GLIS3: variants seen among roughly 807,000 people sequenced by gnomAD.
The protein encoded by GLIS3 is zinc finger protein GLIS3.
GLIS3 carries 53 observed loss-of-function variants against 78.6 expected under a neutral mutation model. The ratio of observed to expected loss-of-function variants is 0.67; its 90% confidence interval spans 0.54 to 0.85. The LOEUF (loss-of-function observed/expected upper bound fraction) is 0.85. Ranked by LOEUF, GLIS3 falls within the 40% of genes least tolerant of loss-of-function variation. The pLI is 0.00. For synonymous variants in GLIS3, 684 were observed against 509.9 expected, an observed-to-expected ratio of 1.34 and a Z score of -4.60; for missense variants, 1,703 against 1,231.1, an observed-to-expected ratio of 1.38 and a Z score of -5.74.
chr9:4,201,344 C>T (rs1405499612), intron 2 of GLIS3, among the ~76,000 whole-genome samples: 1 of 152,024 alleles, frequency 6.6e-6, no homozygotes, highest in African/African-American at 2.4e-5. Flanking sequence ...ACCAATCAGA[C>T]AAGAGAAAGA....
intron 6 of GLIS3, among the ~76,000 whole-genome samples, chr9:3,913,417 T>A (rs16924432): frequency 0.011 from 1,712 of 152,288 alleles, 17 homozygotes; most frequent in Non-Finnish European, 0.018. Flanking sequence ...CAGCTCAAAT[T>A]CATGGGCTTT....
chr9:4,397,648 GAAGAA>G, the GLIS3 span, among the ~76,000 whole-genome samples: 84 of 109,728 alleles, frequency 7.7e-4, no homozygotes, highest in East Asian at 2.4e-3. Context: ...GAAAAGGAAG[GAAGAA>G]AAGGAAGGAA....
intron 4 of GLIS3, among the ~76,000 whole-genome samples, chr9:3,978,113 T>G (rs539926455): frequency 6.6e-6 from 1 of 152,144 alleles, no homozygotes; most frequent in Non-Finnish European, 1.5e-5. Context: ...AAGCCCGCTG[T>G]AGAAGTTCCC....
the GLIS3 span, among the ~76,000 whole-genome samples, chr9:4,379,075 C>A: frequency 3.0e-3 from 459 of 152,274 alleles, 5 homozygotes; most frequent in African/African-American, 0.011. Flanking sequence ...TAACCTGCAG[C>A]CTCTCGGCCG....
the GLIS3 span, among the ~76,000 whole-genome samples, chr9:4,423,794 C>A: frequency 2.0e-5 from 3 of 152,254 alleles, no homozygotes; most frequent in South Asian, 6.2e-4. Context: ...CCTTCGGCTA[C>A]CTTATTCTTG....
chr9:4,118,332 C>A lies in GLIS3; in HGVS notation c.1146G>T (p.Pro382=). 6.3e-7 allele frequency: 1 copy of A among 1,575,692 alleles called. No individual in the cohort carries two copies. Among genetic ancestry groups the A allele is most frequent in the South Asian group, 1.1e-5 (1 of 87,956 alleles). The change falls in exon 4 of 11, where the codon CCG becomes CCT. Residue 382 remains proline (P), a synonymous_variant. Transcript: ENST00000381971. This position sits in a 1 kb window ranked among gnomAD's most constrained non-coding sequence, Gnocchi z 4.7. ...CCAGGGCCCCGTCCTCGCCGTAGGC[C>A]GGCAGCGCCAGGCCTCCAGGGGCCA... ...VLVAPGGLAL[P]AYGEDGALEH...
At chr9:3,898,074 A>G (rs184453925) in intron 7 of GLIS3, among the ~76,000 whole-genome samples, 3 of 152,354 alleles carry the variant, frequency 2.0e-5, no homozygotes, top group Non-Finnish European at 4.4e-5. Context: ...GCTGAGTAAA[A>G]GAAAAATAAC....
At chr9:4,039,044 G>A (rs897519063) in intron 4 of GLIS3, among the ~76,000 whole-genome samples, 2 of 152,168 alleles carry the variant, frequency 1.3e-5, no homozygotes, top group African/African-American at 4.8e-5. Context: ...ACAAACTTGA[G>A]GAGGGAGAAT....
intron 4 of GLIS3, among the ~76,000 whole-genome samples, chr9:4,034,050 C>T (rs1003168313): frequency 6.6e-6 from 1 of 151,486 alleles, no homozygotes; most frequent in African/African-American, 2.4e-5. Flanking sequence ...TGTGAGACCC[C>T]ATTTCTATTA....
the GLIS3 span, among the ~76,000 whole-genome samples, chr9:4,397,543 C>G: frequency 6.6e-6 from 1 of 151,628 alleles, no homozygotes; most frequent in Non-Finnish European, 1.5e-5. Context: ...AAGCAAGGGA[C>G]TTCAAGGCTA....
At chr9:4,279,549 G>A (rs1465466660) in intron 2 of GLIS3, among the ~76,000 whole-genome samples, 4 of 151,586 alleles carry the variant, frequency 2.6e-5, no homozygotes, top group African/African-American at 9.7e-5. Context: ...CCTGGTTTAA[G>A]AAAAATAATG....
At chr9:3,938,432 A>G (rs1436179576) in intron 4 of GLIS3, among the ~76,000 whole-genome samples, 1 of 152,214 alleles carries the variant, frequency 6.6e-6, no homozygotes, top group Non-Finnish European at 1.5e-5. Flanking sequence ...CTTACTTACT[A>G]TAATAGATGG....
rs528881050 is a variant in GLIS3, at chr9:3,992,723, T to C, written c.1711-55534A>G. Among the ~76,000 whole-genome samples, 10 of 152,358 alleles carry C rather than the reference T, an allele frequency of 6.6e-5. No homozygotes were observed. In the East Asian group the frequency reaches 1.9e-3, roughly 29 times the overall value. On this transcript the variant is annotated intron_variant, in intron 4 of 10. Transcript: ENST00000381971. ...AACAAAAAATTAACAGTGTCTTCAC[T>C]ACCTTTGTAAAGGTATCCCTCTCTC...
chr9:3,957,051 C>T (rs1165639764), intron 4 of GLIS3, among the ~76,000 whole-genome samples: 1 of 152,210 alleles, frequency 6.6e-6, no homozygotes, highest in Non-Finnish European at 1.5e-5. Context: ...AAAATCTTTA[C>T]TAGGCCTCTA....
At chr9:4,230,931 G>A (rs953373470) in intron 2 of GLIS3, among the ~76,000 whole-genome samples, 1 of 152,136 alleles carries the variant, frequency 6.6e-6, no homozygotes, top group Non-Finnish European at 1.5e-5. Context: ...TTAGAGCCAG[G>A]TGCAGTGGCT....
chr9:4,146,105 G>A (rs1009048299), intron 2 of GLIS3, among the ~76,000 whole-genome samples: 2 of 152,094 alleles, frequency 1.3e-5, no homozygotes, highest in Non-Finnish European at 2.9e-5. Flanking sequence ...TTATTGACCT[G>A]ATTTTGTCAA....
At chr9:4,188,829 G>T (rs1184872116) in intron 2 of GLIS3, among the ~76,000 whole-genome samples, 1 of 152,190 alleles carries the variant, frequency 6.6e-6, no homozygotes, top group East Asian at 1.9e-4. Flanking sequence ...ATTTCTGTGG[G>T]ATCGGTGGTG....
chr9:4,216,671 C>A (rs1480743890), intron 2 of GLIS3, among the ~76,000 whole-genome samples: 1 of 152,092 alleles, frequency 6.6e-6, no homozygotes, highest in East Asian at 1.9e-4. Flanking sequence ...TAAGCTCTAT[C>A]CCAATATGCC....
chr9:4,076,521 C>T (rs909905283), intron 4 of GLIS3, among the ~76,000 whole-genome samples: 2 of 152,040 alleles, frequency 1.3e-5, no homozygotes, highest in Non-Finnish European at 2.9e-5. Context: ...TTCTAATGAA[C>T]TGTAAATTGT....
Sources: allele counts gnomAD v4.1 joint callset (sites outside exome capture counted in the v4.1 genomes callset), GRCh38; gene constraint gnomAD v4.1.1; non-coding constraint Gnocchi (gnomAD v3.1); transcripts MANE v1.5; gene names NCBI Gene and HGNC (gene_info 2026-07-23, HGNC 2026-07-21).